Variants in EIF4EBP2 observed in about 807,000 individuals in gnomAD.
EIF4EBP2 encodes the protein eukaryotic translation initiation factor 4E-binding protein 2.
EIF4EBP2 carries 5 observed loss-of-function variants against 10.3 expected under a neutral mutation model. That is an observed-to-expected ratio of 0.48 (90% confidence interval 0.25 to 1.02). The LOEUF (loss-of-function observed/expected upper bound fraction) is 1.02, where lower values mean the gene tolerates loss of function less well. EIF4EBP2 is among the 50% of genes least tolerant of loss of function. The pLI, the probability that EIF4EBP2 is intolerant of heterozygous loss-of-function variation, is 0.15. For synonymous variants in EIF4EBP2, 67 were observed against 61.1 expected, an observed-to-expected ratio of 1.10 and a Z score of -0.45; for missense variants, 188 against 162.2, an observed-to-expected ratio of 1.16 and a Z score of -0.86.
Position 70,422,045 on chromosome 10 carries a change from A to C in EIF4EBP2, c.*298A>C. ...AAAACAGTTCAACTCTGACTTTCCT[A>C]GTTGTTTTTTTATTGAGAGCCACCC... On this transcript the variant is annotated 3_prime_UTR_variant, in exon 3 of 3. Transcript: ENST00000373218. The C allele has an allele frequency of 2.5e-6, 1 of 397,318 alleles. No homozygotes were observed. The highest frequency in any genetic ancestry group is 3.8e-5 in the Admixed American group (1 of 26,080). 24.6% of individuals were successfully genotyped at this position (397,318 alleles called of 1,614,324 possible). A position where few individuals can be genotyped will look rare whatever the true frequency, so the allele number is the denominator to read the frequency against.
rs1845185112 is a variant in EIF4EBP2 at position 70,424,124 on chromosome 10, T to C, written c.*2377T>C. ...GAACTCTTCTTGATCTTTATTGCTA[T>C]GTGTGAAAACTTGGCTTCCTCACTG... On this transcript the variant is annotated 3_prime_UTR_variant, in exon 3 of 3. Coordinates refer to ENST00000373218, the MANE Select transcript of EIF4EBP2 (RefSeq NM_004096.5). 6.6e-6 allele frequency: 1 copy of C among 152,210 alleles called. No homozygotes were observed. Among genetic ancestry groups the C allele is most frequent in the Admixed American group, 6.5e-5 (1 of 15,282 alleles). 9.4% of individuals were successfully genotyped at this position (152,210 alleles called of 1,614,324 possible). A position where few individuals can be genotyped will look rare whatever the true frequency, so the allele number is the denominator to read the frequency against.
At chr10:70,406,182 A>G (rs1006793379) in intron 1 of EIF4EBP2, among the ~76,000 whole-genome samples, 1 of 152,084 alleles carries the variant, frequency 6.6e-6, no homozygotes, top group African/African-American at 2.4e-5. Flanking sequence ...GGGTTTCTCC[A>G]TGTTGCCCAG....
rs1845186039 is a variant in EIF4EBP2 at position 70,424,259 on chromosome 10, A to G, written c.*2512A>G. The G allele has an allele frequency of 6.6e-6, 1 of 152,168 alleles. No individual in the cohort carries two copies. Among genetic ancestry groups the G allele is most frequent in the East Asian group, 1.9e-4 (1 of 5,196 alleles). 9.4% of individuals were successfully genotyped at this position (152,168 alleles called of 1,614,324 possible). ...GCATGTGACCCCCTAATCAGAAGGCATGTTTTTAGTATTTCTTGGGAGTGT... is the reference window on the plus strand; with the variant it reads ...GCATGTGACCCCCTAATCAGAAGGCGTGTTTTTAGTATTTCTTGGGAGTGT... On this transcript the variant is annotated 3_prime_UTR_variant, in exon 3 of 3. Transcript: ENST00000373218.
chr10:70,404,360 C>T lies in EIF4EBP2; in HGVS notation c.-42C>T, dbSNP rs751914043. ...GAAGCAGCCCCGGCCCCGCCGCCGCCGCCTGCCCGCCGGACAAAGCCGAGA... is the reference window on the plus strand; with the variant it reads ...GAAGCAGCCCCGGCCCCGCCGCCGCTGCCTGCCCGCCGGACAAAGCCGAGA... On this transcript the variant is annotated 5_prime_UTR_variant, in exon 1 of 3. Coordinates refer to ENST00000373218, the MANE Select transcript of EIF4EBP2 (RefSeq NM_004096.5). 7.1e-5 allele frequency: 106 copies of T among 1,502,706 alleles called. No homozygotes were observed. The highest frequency in any genetic ancestry group is 8.4e-5 in the Non-Finnish European group (95 of 1,129,222). 93.1% of individuals were successfully genotyped at this position (1,502,706 alleles called of 1,614,324 possible).
chr10:70,404,242 A>AGAGGGCGGCGGCGGGAGCGGAGCGGGAC lies in EIF4EBP2; in HGVS notation c.-154_-127dup. On this transcript the variant is annotated 5_prime_UTR_variant, in exon 1 of 3. Transcript: ENST00000373218. The stretch of plus-strand genomic sequence containing the variant: ...CGAGCGGCGGCGGCGGCGGCGGCTG[A>AGAGGGCGGCGGCGGGAGCGGAGCGGGAC]GAGGGCGGCGGCGGGAGCGGAGCGG... 1.1e-6 allele frequency: 1 copy of AGAGGGCGGCGGCGGGAGCGGAGCGGGAC among 889,334 alleles called. No homozygotes were observed. The highest frequency in any genetic ancestry group is 1.5e-6 in the Non-Finnish European group (1 of 646,086). 55.1% of individuals were successfully genotyped at this position (889,334 alleles called of 1,614,324 possible).
Position 70,420,117 on chromosome 10 carries a change from T to A in EIF4EBP2, c.331+18T>A. The A allele has an allele frequency of 1.3e-6, 2 of 1,588,496 alleles. No individual in the cohort carries two copies. The highest frequency in any genetic ancestry group is 1.4e-5 in the African/African-American group (1 of 73,950). The stretch of plus-strand genomic sequence containing the variant: ...TGCAGTTGGTAAGAGAATGGCGATG[T>A]TGGAGACCTAGAGCGTGGCTCTTGG... On this transcript the variant is annotated intron_variant, in intron 2 of 2. Coordinates refer to ENST00000373218, the MANE Select transcript of EIF4EBP2 (RefSeq NM_004096.5).
chr10:70,421,165 T>G (rs575239384), intron 2 of EIF4EBP2, among the ~76,000 whole-genome samples: 5 of 152,302 alleles, frequency 3.3e-5, no homozygotes, highest in African/African-American at 1.2e-4. Context: ...TCCTCTATTT[T>G]CCAGAACTGC....
intron 1 of EIF4EBP2, among the ~76,000 whole-genome samples, chr10:70,416,676 T>C (rs910252390): frequency 2.7e-5 from 4 of 149,164 alleles, no homozygotes; most frequent in African/African-American, 9.9e-5. Flanking sequence ...TTTTTTTTTT[T>C]TTTTTTTGAG....
At chr10:70,404,887 T>A (rs950065034) in intron 1 of EIF4EBP2, among the ~76,000 whole-genome samples, 5 of 152,262 alleles carry the variant, frequency 3.3e-5, no homozygotes, top group African/African-American at 1.2e-4. Flanking sequence ...TGCATTACAG[T>A]CTGCATTGCC....
At chr10:70,406,293 T>C (rs1439115890) in intron 1 of EIF4EBP2, among the ~76,000 whole-genome samples, 2 of 152,226 alleles carry the variant, frequency 1.3e-5, no homozygotes, top group Non-Finnish European at 2.9e-5. Flanking sequence ...TTTTTAATCC[T>C]GAAAAATTTT....
At position 70,426,659 on chromosome 10, in the gene EIF4EBP2, A is replaced by G. The variant is rs1310145917; in HGVS notation, c.*4912A>G. On this transcript the variant is annotated 3_prime_UTR_variant, in exon 3 of 3. Coordinates refer to ENST00000373218, the MANE Select transcript of EIF4EBP2 (RefSeq NM_004096.5). ...TGTAGCCCTGCTTGCTTGAGAGTATACTTGGATAAGAAGTATTGCTGTTGA... is the reference window on the plus strand; with the variant it reads ...TGTAGCCCTGCTTGCTTGAGAGTATGCTTGGATAAGAAGTATTGCTGTTGA... 6.6e-6 allele frequency: 1 copy of G among 152,208 alleles called. No homozygotes were observed. The highest frequency in any genetic ancestry group is 1.5e-5 in the Non-Finnish European group (1 of 68,040). 9.4% of individuals were successfully genotyped at this position (152,208 alleles called of 1,614,324 possible). A position where few individuals can be genotyped will look rare whatever the true frequency, so the allele number is the denominator to read the frequency against.
chr10:70,411,635 T>G (rs561128417), intron 1 of EIF4EBP2, among the ~76,000 whole-genome samples: 2 of 152,262 alleles, frequency 1.3e-5, no homozygotes, highest in Admixed American at 1.3e-4. Context: ...TTAAAATTTT[T>G]GTAAAGATGA....
rs991120196 is a variant in EIF4EBP2 at position 70,422,079 on chromosome 10, T to A, written c.*332T>A. ...TTTATTGAGAGCCACCCTCATACCC[T>A]GTAATTTTGTCCCAAATCAAATATC... On this transcript the variant is annotated 3_prime_UTR_variant, in exon 3 of 3. Coordinates refer to ENST00000373218, the MANE Select transcript of EIF4EBP2 (RefSeq NM_004096.5). 3 of 281,212 alleles carry A rather than the reference T, an allele frequency of 1.1e-5. No homozygotes were observed. Among genetic ancestry groups the A allele is most frequent in the African/African-American group, 6.4e-5 (3 of 46,912 alleles). 17.4% of individuals were successfully genotyped at this position (281,212 alleles called of 1,614,324 possible).
chr10:70,412,395 G>T (rs1330540465), intron 1 of EIF4EBP2, among the ~76,000 whole-genome samples: 5 of 151,706 alleles, frequency 3.3e-5, no homozygotes, highest in African/African-American at 4.8e-5. Flanking sequence ...TGGCGGCCGG[G>T]GGGTGGGGGT....
chr10:70,416,960 A>G (rs1376213424), intron 1 of EIF4EBP2, among the ~76,000 whole-genome samples: 1 of 152,238 alleles, frequency 6.6e-6, no homozygotes, highest in Admixed American at 6.5e-5. Context: ...ATGCCTGGCT[A>G]ATTCCACTTT....
chr10:70,407,827 C>T (rs1248415572), intron 1 of EIF4EBP2, among the ~76,000 whole-genome samples: 3 of 144,960 alleles, frequency 2.1e-5, no homozygotes, highest in Admixed American at 6.8e-5. Context: ...CCCCTCACCT[C>T]CCAGATGGGG....
chr10:70,406,807 G>C (rs1274977574), intron 1 of EIF4EBP2, among the ~76,000 whole-genome samples: 1 of 152,156 alleles, frequency 6.6e-6, no homozygotes, highest in African/African-American at 2.4e-5. Flanking sequence ...TTCTTGTTTT[G>C]GATTTAAATA....
chr10:70,413,479 T>G (rs899106985), intron 1 of EIF4EBP2, among the ~76,000 whole-genome samples: 5 of 151,792 alleles, frequency 3.3e-5, no homozygotes, highest in Non-Finnish European at 7.4e-5. Context: ...TAAAATTAGT[T>G]GGACTGTAGT....
chr10:70,405,746 C>G (rs1259225252), intron 1 of EIF4EBP2, among the ~76,000 whole-genome samples: 1 of 152,094 alleles, frequency 6.6e-6, no homozygotes, highest in East Asian at 1.9e-4. Context: ...GTAAGGAGAC[C>G]TTCTTGCCAA....
Sources: gnomAD v4.1 joint callset for allele counts (sites outside exome capture counted in the v4.1 genomes callset) on GRCh38, gnomAD v4.1.1 for gene constraint, MANE v1.5 for transcripts, NCBI Gene and HGNC (gene_info 2026-07-23, HGNC 2026-07-21) for gene names.